The following WNT7B variants were observed in gnomAD, a reference collection of about 807,000 sequenced individuals.
WNT7B encodes the protein protein Wnt-7b.
WNT7B carries 19 observed loss-of-function variants against 38.2 expected under a neutral mutation model. The observed-to-expected ratio is 0.50, with a 90% CI of 0.35 to 0.73. The LOEUF is 0.73. WNT7B is among the 30% of genes least tolerant of loss of function. The pLI is 0.01. For synonymous variants in WNT7B, 243 were observed against 209.3 expected, an observed-to-expected ratio of 1.16 and a Z score of -1.39; for missense variants, 423 against 507.9, an observed-to-expected ratio of 0.83 and a Z score of 1.61.
rs1001311107 is a variant in WNT7B at position 45,977,119 on chromosome 22, C to T, written c.-365G>A. 1.1e-5 allele frequency: 8 copies of T among 731,642 alleles called. No homozygotes were observed. The highest frequency in any genetic ancestry group is 1.3e-5 in the Non-Finnish European group (8 of 598,316). The allele number at this position is 731,642 out of a possible 1,614,324, so 45.3% of individuals were successfully genotyped here. On this transcript the variant is annotated 5_prime_UTR_variant, in exon 1 of 4. Transcript: ENST00000339464. ...GCCGTGAGCGCCTCGCCGAGCGCCG[C>T]GGCGGCCAATGTGTCCGCACTTGTC...
intron 1 of WNT7B, among the ~76,000 whole-genome samples, chr22:45,974,121 C>G (rs1932505911): frequency 6.6e-6 from 1 of 152,164 alleles, no homozygotes; most frequent in South Asian, 2.1e-4. Flanking sequence ...TACAGGTGTT[C>G]ATTGGGACAC....
At chr22:45,963,643 T>TC (rs1932245689) in intron 1 of WNT7B, among the ~76,000 whole-genome samples, 1 of 152,102 alleles carries the variant, frequency 6.6e-6, no homozygotes, top group African/African-American at 2.4e-5. Flanking sequence ...CTGTGGCTTT[T>TC]CCCCCCACCT....
At position 45,976,190 on chromosome 22, in the gene WNT7B, G is replaced by T. The variant is rs929127536; in HGVS notation, c.71+494C>A. The stretch of plus-strand genomic sequence containing the variant: ...ACACGTCTGGGTGATGGATAGAGAC[G>T]AAGGGCCGCGGCGGGTGCCCCGGCC... On this transcript the variant is annotated intron_variant, in intron 1 of 3. Transcript: ENST00000339464. This position sits in a 1 kb window ranked among gnomAD's most constrained non-coding sequence, Gnocchi z 8.5. Among the ~76,000 whole-genome samples, 35 of 146,116 alleles carry T rather than the reference G, an allele frequency of 2.4e-4. No homozygotes were observed. The highest frequency in any genetic ancestry group is 3.4e-3 in the Middle Eastern group (1 of 290).
chr22:45,922,911 C>A lies in WNT7B; in HGVS notation c.995G>T (p.Cys332Phe). ...GCTGCAGGTGTTGCACTTGACGAAG[C>A]AGCACCAGTGGAATTTGCAGTTGCA... ...WQCNCKFHWC[C>F]FVKCNTCSER... Residue 332 changes from cysteine to phenylalanine, a missense_variant, in exon 4 of 4, where the codon TGC (cysteine) becomes TTC (phenylalanine). By Grantham distance (205) the Cys-to-Phe change is radical. This residue lies in a region of WNT7B where 158 missense variants were observed against 214.7 expected (regional missense o/e 0.74). Coordinates refer to ENST00000339464, the MANE Select transcript of WNT7B (RefSeq NM_058238.3). 6.2e-7 allele frequency: 1 copy of A among 1,612,190 alleles called. No homozygotes were observed. The highest frequency in any genetic ancestry group is 8.5e-7 in the Non-Finnish European group (1 of 1,178,886).
rs1932536407 is a variant in WNT7B at position 45,975,729 on chromosome 22, C to T, written c.71+955G>A. On this transcript the variant is annotated intron_variant, in intron 1 of 3. Transcript: ENST00000339464. The surrounding 1 kb of genome is among the most constrained non-coding windows in gnomAD (Gnocchi z 6.6). ...GGGCTCGCCTCGGGGCAGCCGGCGG[C>T]GCACAGTAGGCGCGCAGGGCGCGGC... 7 of 445,046 alleles carry T rather than the reference C, an allele frequency of 1.6e-5. No homozygotes were observed. The South Asian group carries it at 3.2e-4, about 20-fold the overall frequency. The allele number at this position is 445,046 out of a possible 1,614,324, so 27.6% of individuals were successfully genotyped here. A position where few individuals can be genotyped will look rare whatever the true frequency, so the allele number is the denominator to read the frequency against.
chr22:45,939,891 A>G (rs1465931174), intron 2 of WNT7B, among the ~76,000 whole-genome samples: 5 of 152,228 alleles, frequency 3.3e-5, no homozygotes, highest in African/African-American at 4.8e-5. Context: ...CAAAGGCCAC[A>G]TATAGTGTGA....
intron 3 of WNT7B, among the ~76,000 whole-genome samples, chr22:45,928,701 C>A (rs1214949871): frequency 6.6e-6 from 1 of 152,148 alleles, no homozygotes; most frequent in Non-Finnish European, 1.5e-5. Flanking sequence ...CACACCAAGT[C>A]AGCCCTGGGG....
intron 3 of WNT7B, among the ~76,000 whole-genome samples, chr22:45,930,618 C>T (rs1452826708): frequency 6.6e-6 from 1 of 152,194 alleles, no homozygotes; most frequent in Non-Finnish European, 1.5e-5. Context: ...TCCCCAGCAG[C>T]CCCCGGCTCA....
chr22:45,934,232 G>A (rs2146716987), intron 2 of WNT7B, among the ~76,000 whole-genome samples: 1 of 152,310 alleles, frequency 6.6e-6, no homozygotes, highest in East Asian at 1.9e-4. Context: ...CTGGGGTCGG[G>A]GGCCCTGGAA....
rs9330811 is a variant in WNT7B, at chr22:45,966,516, A to G, written c.71+10168T>C. On this transcript the variant is annotated intron_variant, in intron 1 of 3. Transcript: ENST00000339464. The surrounding 1 kb of genome is among the most constrained non-coding windows in gnomAD (Gnocchi z 4.2). ...TAGAGGCCTGCAGGGGTCATGGGAT[A>G]GGACTCCAGGGGATGCTCACTCGGG... 0.61 allele frequency among the ~76,000 whole-genome samples: 92,007 copies of G among 152,014 alleles called. 28,276 individuals are homozygous for G. Among genetic ancestry groups the G allele is most frequent in the East Asian group, 0.69 (3,572 of 5,146 alleles).
rs1931006160 is a variant in WNT7B at position 45,924,018 on chromosome 22, C to T, written c.571-683G>A. Among the ~76,000 whole-genome samples the T allele has an allele frequency of 1.3e-5, 2 of 152,202 alleles. 1 individual carries two copies. ...GTGCAGCCGAGTGTTTTCCTTGGGCCTCCCTCCATGGCCCCGGAAGGCTGA... is the reference window on the plus strand; with the variant it reads ...GTGCAGCCGAGTGTTTTCCTTGGGCTTCCCTCCATGGCCCCGGAAGGCTGA... On this transcript the variant is annotated intron_variant, in intron 3 of 3. Transcript: ENST00000339464.
At chr22:45,932,862 A>G (rs1156685795) in intron 2 of WNT7B, among the ~76,000 whole-genome samples, 2 of 150,790 alleles carry the variant, frequency 1.3e-5, no homozygotes, top group East Asian at 3.9e-4. Context: ...TCCCCTGCCC[A>G]GCACCCGCGA....
Position 45,976,991 on chromosome 22 carries a change from C to G in WNT7B, c.-237G>C. 1.0e-6 allele frequency: 1 copy of G among 986,586 alleles called. No individual in the cohort carries two copies. Among genetic ancestry groups the G allele is most frequent in the Non-Finnish European group, 1.2e-6 (1 of 831,172 alleles). The allele number at this position is 986,586 out of a possible 1,614,324, so 61.1% of individuals were successfully genotyped here. The stretch of plus-strand genomic sequence containing the variant: ...ATTGACCCAGGCTGGGGGCCGCGAC[C>G]TCGAAGCCCGGTTGAGCGACCGTGG... On this transcript the variant is annotated 5_prime_UTR_variant, in exon 1 of 4. Transcript: ENST00000339464. The surrounding 1 kb of genome is among the most constrained non-coding windows in gnomAD (Gnocchi z 8.5).
chr22:45,967,068 C>T (rs1932327452), intron 1 of WNT7B, among the ~76,000 whole-genome samples: 1 of 152,218 alleles, frequency 6.6e-6, no homozygotes, highest in Non-Finnish European at 1.5e-5. Context: ...CCCAGGCAGG[C>T]TGAGTGGGAA....
chr22:45,972,116 G>GGGGGGGGGGGGGC, intron 1 of WNT7B: 2 of 530,740 alleles, frequency 3.8e-6, no homozygotes, highest in East Asian at 3.7e-5. Context: ...CCCGGGGGGA[G>GGGGGGGGGGGGGC]CCCACCCGCC....
Position 45,922,093 on chromosome 22 carries a change from C to A in WNT7B, c.*763G>T. On this transcript the variant is annotated 3_prime_UTR_variant, in exon 4 of 4. Transcript: ENST00000339464. Reference sequence around the variant, plus strand: ...GGATTTTCAAAAGAAGGAAAGACGGCATGGAGGAGCCTGTCCATGGCTCTC... The same window carrying A: ...GGATTTTCAAAAGAAGGAAAGACGGAATGGAGGAGCCTGTCCATGGCTCTC... 6.6e-6 allele frequency: 1 copy of A among 152,334 alleles called. No individual in the cohort carries two copies. The highest frequency in any genetic ancestry group is 1.5e-5 in the Non-Finnish European group (1 of 68,050). 9.4% of individuals were successfully genotyped at this position (152,334 alleles called of 1,614,324 possible). A position where few individuals can be genotyped will look rare whatever the true frequency, so the allele number is the denominator to read the frequency against.
In WNT7B at chr22:45,965,186, C is replaced by T. The variant is rs556197044; in HGVS notation, c.71+11498G>A. ...GTCTTTGCCCACGTCTGTCCCTTTCCCAGGAACCCACCTTCCTTCCCTCCA... is the reference window on the plus strand; with the variant it reads ...GTCTTTGCCCACGTCTGTCCCTTTCTCAGGAACCCACCTTCCTTCCCTCCA... On this transcript the variant is annotated intron_variant, in intron 1 of 3. Transcript: ENST00000339464. This position sits in a 1 kb window ranked among gnomAD's most constrained non-coding sequence, Gnocchi z 6.5. 1.1e-4 allele frequency among the ~76,000 whole-genome samples: 17 copies of T among 152,284 alleles called. No homozygotes were observed. The South Asian group carries it at 3.5e-3, about 32-fold the overall frequency.
chr22:45,923,631 A>G (rs1930995459), intron 3 of WNT7B, among the ~76,000 whole-genome samples: 1 of 152,230 alleles, frequency 6.6e-6, no homozygotes, highest in African/African-American at 2.4e-5. Flanking sequence ...CAGCCCTTCA[A>G]GGAGATGCTA....
intron 1 of WNT7B, chr22:45,972,616 G>C (rs1212112554): frequency 6.5e-6 from 1 of 153,144 alleles, no homozygotes; most frequent in South Asian, 2.1e-4. Context: ...CCCTACATCC[G>C]CCTCCTCCCC....
Sources: gnomAD v4.1 joint callset for allele counts (sites outside exome capture counted in the v4.1 genomes callset) on GRCh38, gnomAD v4.1.1 for gene constraint, gnomAD v4.1.1 regional missense constraint, Gnocchi (gnomAD v3.1) non-coding constraint, MANE v1.5 for transcripts, NCBI Gene and HGNC (gene_info 2026-07-23, HGNC 2026-07-21) for gene names.